Variants in SLC38A4 observed in about 807,000 individuals in gnomAD.
The protein encoded by SLC38A4 is solute carrier family 38 member 4.
A neutral mutation model predicts 63.1 loss-of-function variants in SLC38A4; 20 were observed. The ratio of observed to expected loss-of-function variants is 0.32; its 90% CI spans 0.22 to 0.46. The LOEUF is 0.46. Among genes scored for constraint, SLC38A4 ranks in the 20% least tolerant of loss-of-function variants. The probability of loss-of-function intolerance (pLI) is 1.00; values close to 1 mark genes in which losing one functional copy is unlikely to be tolerated. For missense variants in SLC38A4, 526 were observed against 663.6 expected (o/e 0.79, Z 2.28); for synonymous variants, 230 against 225.5 (o/e 1.02, Z -0.18).
chr12:46,799,456 G>T (rs148994535), intron 2 of SLC38A4, among the ~76,000 whole-genome samples: 1,543 of 152,158 alleles, frequency 0.01, 15 homozygotes, highest in Non-Finnish European at 0.018. Flanking sequence ...ACAAAAATTA[G>T]CTGGGCATGG....
chr12:46,826,416 A>G (rs1212858994), upstream of SLC38A4, among the ~76,000 whole-genome samples: 1 of 152,226 alleles, frequency 6.6e-6, no homozygotes, highest in Admixed American at 6.5e-5. Flanking sequence ...AAGAATTGCG[A>G]TAATATCTAT....
intron 14 of SLC38A4, among the ~76,000 whole-genome samples, chr12:46,772,013 C>G (rs762562137): frequency 2.4e-4 from 37 of 151,874 alleles, no homozygotes; most frequent in Non-Finnish European, 4.0e-4. Flanking sequence ...TCTGTTATTT[C>G]CAGAGAAAGA....
At chr12:46,808,669 G>C (rs1939283585) in intron 1 of SLC38A4, among the ~76,000 whole-genome samples, 1 of 151,924 alleles carries the variant, frequency 6.6e-6, no homozygotes, top group Non-Finnish European at 1.5e-5. Context: ...TTCATTTCAG[G>C]CTTCCACCTA....
intron 1 of SLC38A4, among the ~76,000 whole-genome samples, chr12:46,809,820 G>A (rs887780733): frequency 2.0e-5 from 3 of 151,938 alleles, no homozygotes; most frequent in Non-Finnish European, 4.4e-5. Context: ...TTAGGTCTGG[G>A]GATGGATTCA....
At chr12:46,797,510 G>T (rs910107764) in intron 2 of SLC38A4, among the ~76,000 whole-genome samples, 1 of 152,090 alleles carries the variant, frequency 6.6e-6, no homozygotes, top group Non-Finnish European at 1.5e-5. Flanking sequence ...CTCAGCCTTT[G>T]GCCTCAGATT....
At chr12:46,826,821 A>C (rs955218462), upstream of SLC38A4, among the ~76,000 whole-genome samples, 1 of 152,198 alleles carries the variant, frequency 6.6e-6, no homozygotes, top group Non-Finnish European at 1.5e-5. Flanking sequence ...TTAAGTAAAC[A>C]ATTTAAAAGT....
Position 46,794,360 on chromosome 12 carries a change from T to A in SLC38A4, c.-112-1177A>T, listed in dbSNP as rs576206999. On this transcript the variant is annotated intron_variant, in intron 2 of 16. Coordinates refer to ENST00000266579, the MANE Select transcript of SLC38A4 (RefSeq NM_018018.5). ...CCAGTAGGCACAAGAAATGATAAAA[T>A]TCACATCTAAGGAACTACAAATAAC... 7.9e-5 allele frequency among the ~76,000 whole-genome samples: 12 copies of A among 152,126 alleles called. No homozygotes were observed. The East Asian group carries it at 2.1e-3, about 27-fold the overall frequency.
chr12:46,792,858 T>C, intron 3 of SLC38A4, 95 bp downstream of exon 3: 1 of 837,502 alleles, frequency 1.2e-6, no homozygotes, highest in Non-Finnish European at 2.0e-6. Context: ...CAAATTTACC[T>C]GTAATAAATC....
At chr12:46,775,812 G>C (rs961476358) in intron 13 of SLC38A4, among the ~76,000 whole-genome samples, 1 of 152,054 alleles carries the variant, frequency 6.6e-6, no homozygotes, top group South Asian at 2.1e-4. Flanking sequence ...AGCCCTACTT[G>C]AAAACACCTT....
chr12:46,787,115 C>A (rs1209597060), intron 5 of SLC38A4, among the ~76,000 whole-genome samples: 4 of 152,174 alleles, frequency 2.6e-5, no homozygotes, highest in Non-Finnish European at 4.4e-5. Flanking sequence ...TACCCTTAGG[C>A]AGCATTTGAA....
intron 10 of SLC38A4, among the ~76,000 whole-genome samples, chr12:46,779,104 TCTC>T (rs1938588124): frequency 6.6e-6 from 1 of 151,968 alleles, no homozygotes; most frequent in Admixed American, 6.6e-5. Flanking sequence ...TTTTTTTCCT[TCTC>T]CTTTACCTCT....
chr12:46,799,487 A>T (rs1939086464), intron 2 of SLC38A4, among the ~76,000 whole-genome samples: 6 of 152,060 alleles, frequency 3.9e-5, no homozygotes, highest in Admixed American at 3.3e-4. Context: ...CTGTAGTCCC[A>T]GTTAATCTCC....
At chr12:46,780,204 C>T (rs1478410586) in intron 7 of SLC38A4, among the ~76,000 whole-genome samples, 174 bp from the exon 8 acceptor site, 1 of 151,984 alleles carries the variant, frequency 6.6e-6, no homozygotes. Flanking sequence ...ATTTGACCTT[C>T]CAGCTCTTTC....
At chr12:46,816,350 A>C (rs958016165) in intron 1 of SLC38A4, among the ~76,000 whole-genome samples, 7 of 151,860 alleles carry the variant, frequency 4.6e-5, no homozygotes. Flanking sequence ...TACATGTAAG[A>C]ATTTGGGGTC....
Position 46,792,958 on chromosome 12 carries a change from C to T in SLC38A4, c.114G>A (p.Met38Ile), listed in dbSNP as rs866820928. ...AGTAATTTTTAACCCCATACCTGCT[C>T]ATTGCTGCCTTTTCTGAATTTCCTA... ...IGIGNSEKAA[M>I]SSQFANEDTE... Residue 38 changes from methionine to isoleucine, a missense_variant, in exon 3 of 17, where the codon ATG becomes ATA. Coordinates refer to ENST00000266579, the MANE Select transcript of SLC38A4 (RefSeq NM_018018.5). 1.2e-6 allele frequency: 2 copies of T among 1,611,192 alleles called. No homozygotes were observed. The highest frequency in any genetic ancestry group is 4.5e-5 in the East Asian group (2 of 44,820).
intron 14 of SLC38A4, among the ~76,000 whole-genome samples, chr12:46,773,800 A>G (rs1056611452): frequency 2.6e-5 from 4 of 152,040 alleles, no homozygotes; most frequent in African/African-American, 7.2e-5. Context: ...AAAACACTAT[A>G]TGAATATGAA....
rs373339270 is a variant in SLC38A4 at position 46,785,096 on chromosome 12, T to C, written c.400+8A>G. The C allele has an allele frequency of 1.0e-4, 162 of 1,604,466 alleles. No homozygotes were observed. The highest frequency in any genetic ancestry group is 1.3e-4 in the Non-Finnish European group (154 of 1,171,792). On this transcript the variant is annotated splice_region_variant and intron_variant, in intron 6 of 16. Transcript: ENST00000266579. ...AATAGAATGTGTTGGACTCAAGTGG[T>C]AGCATACCTCCTTCCTTGGCTGTTT...
intron 2 of SLC38A4, among the ~76,000 whole-genome samples, chr12:46,793,543 A>T (rs1291997561): frequency 1.3e-5 from 2 of 152,154 alleles, no homozygotes; most frequent in African/African-American, 4.8e-5. Flanking sequence ...AAAAGAAAGG[A>T]AGACAAAAGT....
At chr12:46,792,844 A>G in intron 3 of SLC38A4, 109 bp downstream of exon 3, 1 of 759,750 alleles carries the variant, frequency 1.3e-6, no homozygotes, top group Admixed American at 1.9e-5. Context: ...TATCATTGTT[A>G]TCACAAATTT....
Sources: allele counts gnomAD v4.1 joint callset (sites outside exome capture counted in the v4.1 genomes callset), GRCh38; gene constraint gnomAD v4.1.1; transcripts MANE v1.5; gene names NCBI Gene and HGNC (gene_info 2026-07-23, HGNC 2026-07-21).